The following MGA variants were observed in gnomAD, a reference collection of about 807,000 sequenced individuals.
MGA encodes MAX dimerization protein MGA.
In MGA, 40 loss-of-function variants were observed where a neutral mutation model predicts 261.1. The ratio of observed to expected loss-of-function variants is 0.15; its 90% CI spans 0.12 to 0.20. MGA has a LOEUF of 0.20. Ranked by LOEUF, MGA falls within the 10% of genes least tolerant of loss-of-function variation. The pLI is 1.00. For synonymous variants in MGA, 1,302 were observed against 1,290.6 expected (o/e 1.01, Z -0.19); for missense variants, 3,397 against 3,630.5 (o/e 0.94, Z 1.65).
At position 41,750,584 on chromosome 15, in the gene MGA, A is replaced by G; in HGVS notation, c.6977A>G (p.Tyr2326Cys). 1 of 1,610,222 alleles carries G rather than the reference A, an allele frequency of 6.2e-7. No homozygotes were observed. The highest frequency in any genetic ancestry group is 8.5e-7 in the Non-Finnish European group (1 of 1,178,142). The change falls in exon 17 of 24, where the codon TAC becomes TGC. Residue 2326 changes from tyrosine (Y) to cysteine (C), a missense_variant. Transcript: ENST00000219905. ...GAAATTGTGGATGTTGTTTCTGACTACCAGAGTGAGGAGGTTGATGATGTA... is the reference window on the plus strand; with the variant it reads ...GAAATTGTGGATGTTGTTTCTGACTGCCAGAGTGAGGAGGTTGATGATGTA...
At position 41,750,542 on chromosome 15, in the gene MGA, C is replaced by A; in HGVS notation, c.6935C>A (p.Thr2312Asn). The change falls in exon 17 of 24, where the codon ACT (threonine) becomes AAT (asparagine). Residue 2312 changes from threonine to asparagine, a missense_variant. By Grantham distance (65) the Thr-to-Asn change is moderately conservative. Coordinates refer to ENST00000219905, the MANE Select transcript of MGA (RefSeq NM_001164273.2). ...GATGATGAAGATGATAATGAGAAAA[C>A]TGATGATTCTATTGATGAAATTGTG... 2 of 1,612,730 alleles carry A rather than the reference C, an allele frequency of 1.2e-6. No individual in the cohort carries two copies. The highest frequency in any genetic ancestry group is 1.7e-6 in the Non-Finnish European group (2 of 1,179,252).
At position 41,749,612 on chromosome 15, in the gene MGA, A is replaced by T; in HGVS notation, c.6005A>T (p.Asp2002Val). ...CTACAGTCAGAAGGAGAGGCTGTAG[A>T]CCCTGAGGCTAATGTAATAAAACAA... is the stretch of plus-strand genomic sequence containing the variant. The change falls in exon 17 of 24, where the codon GAC (aspartate) becomes GTC (valine). Residue 2002 changes from aspartate to valine, a missense_variant. Coordinates refer to ENST00000219905, the MANE Select transcript of MGA (RefSeq NM_001164273.2). The T allele has an allele frequency of 7.4e-6, 12 of 1,613,874 alleles. No homozygotes were observed. Among genetic ancestry groups the T allele is most frequent in the Non-Finnish European group, 1.0e-5 (12 of 1,179,866 alleles).
chr15:41,674,720 A>G (rs572191410), intron 2 of MGA, among the ~76,000 whole-genome samples: 3 of 152,110 alleles, frequency 2.0e-5, no homozygotes, highest in South Asian at 2.1e-4. Context: ...GGGTTTCACC[A>G]TGTTGGTCAG....
At chr15:41,700,789 T>C (rs1162819928) in intron 5 of MGA, among the ~76,000 whole-genome samples, 1 of 152,240 alleles carries the variant, frequency 6.6e-6, no homozygotes, top group African/African-American at 2.4e-5. Flanking sequence ...TGATTTTAGA[T>C]AGGCATCTTG....
At chr15:41,695,728 A>T (rs971128146) in intron 2 of MGA, among the ~76,000 whole-genome samples, 1 of 152,234 alleles carries the variant, frequency 6.6e-6, no homozygotes, top group African/African-American at 2.4e-5. Context: ...ATCTGGCAAC[A>T]TCATGACTAT....
rs1222411508 is a variant in MGA, at chr15:41,754,544, C to T, written c.7116C>T (p.Ala2372=). The change falls in exon 18 of 24, where the codon GCC becomes GCT. Residue 2372 remains alanine (A), a synonymous_variant. Coordinates refer to ENST00000219905, the MANE Select transcript of MGA (RefSeq NM_001164273.2). ...TTGCTCACCTGAAGACCACAGCGGCCCACACACAGTCATTCAAACAGCCGT... is the reference window on the plus strand; with the variant it reads ...TTGCTCACCTGAAGACCACAGCGGCTCACACACAGTCATTCAAACAGCCGT... 1 of 1,586,238 alleles carries T rather than the reference C, an allele frequency of 6.3e-7. No individual in the cohort carries two copies. Among genetic ancestry groups the T allele is most frequent in the Admixed American group, 1.8e-5 (1 of 54,964 alleles).
intron 17 of MGA, among the ~76,000 whole-genome samples, chr15:41,752,575 A>AG (rs1285364587): frequency 5.2e-5 from 3 of 58,026 alleles, no homozygotes; most frequent in Non-Finnish European, 1.2e-4. Flanking sequence ...TTTTTTTTTT[A>AG]ACAGAGTCTC....
At chr15:41,681,984 C>G (rs1291601477) in intron 2 of MGA, among the ~76,000 whole-genome samples, 1 of 152,054 alleles carries the variant, frequency 6.6e-6, no homozygotes, top group Non-Finnish European at 1.5e-5. Context: ...ATGGTGCGAT[C>G]TCGGCTTACT....
At chr15:41,742,047 G>C (rs932318858) in intron 14 of MGA, among the ~76,000 whole-genome samples, 3 of 151,770 alleles carry the variant, frequency 2.0e-5, no homozygotes, top group Non-Finnish European at 4.4e-5. Flanking sequence ...TGTTAGAACT[G>C]AGGTTTGTTT....
chr15:41,746,902 A>G (rs2062525526), intron 15 of MGA, among the ~76,000 whole-genome samples: 1 of 152,042 alleles, frequency 6.6e-6, no homozygotes, highest in African/African-American at 2.4e-5. Context: ...ACCAATTTGA[A>G]TAGTAATGTT....
chr15:41,711,785 T>G (rs931671532), intron 8 of MGA, among the ~76,000 whole-genome samples: 1 of 152,048 alleles, frequency 6.6e-6, no homozygotes, highest in Non-Finnish European at 1.5e-5. Context: ...AACCTCCGCC[T>G]CCTGGGTTCA....
intron 11 of MGA, among the ~76,000 whole-genome samples, chr15:41,731,547 T>A (rs2061509988): frequency 6.6e-6 from 1 of 152,238 alleles, no homozygotes; most frequent in South Asian, 2.1e-4. Flanking sequence ...AAAAAACTTC[T>A]GTTTTCCCAG....
intron 1 of MGA, among the ~76,000 whole-genome samples, chr15:41,664,640 A>C (rs2057622074): frequency 2.0e-5 from 3 of 152,230 alleles, no homozygotes; most frequent in Admixed American, 6.5e-5. Flanking sequence ...GATGTTTTGC[A>C]TACTTATTCA....
At position 41,725,630 on chromosome 15, in the gene MGA, G is replaced by A. The variant is rs1216220971; in HGVS notation, c.3431-1550G>A. 3.1e-4 allele frequency among the ~76,000 whole-genome samples: 3 copies of A among 9,726 alleles called. 1 individual carries two copies. Among genetic ancestry groups the A allele is most frequent in the African/African-American group, 5.6e-4 (3 of 5,348 alleles). The allele number at this position is 9,726 out of a possible 152,430, so 6.4% of individuals were successfully genotyped here. On this transcript the variant is annotated intron_variant, in intron 9 of 23. Coordinates refer to ENST00000219905, the MANE Select transcript of MGA (RefSeq NM_001164273.2). ...GGGCGGATCACGAGGTCAGGAGATC[G>A]AGACCATCCCGGCTAAAAAACGGTG...
intron 1 of MGA, among the ~76,000 whole-genome samples, chr15:41,635,541 A>T (rs983601001): frequency 2.0e-5 from 3 of 151,722 alleles, no homozygotes; most frequent in Non-Finnish European, 4.4e-5. Context: ...AAAAAATTTT[A>T]AAAAATTAGC....
In MGA at chr15:41,725,864, A is replaced by G. The variant is rs369379626; in HGVS notation, c.3431-1316A>G. ...AAAAAAAAAAAAAAAAAATAAATAA[A>G]TAAATAAATAAATAAGTAAACCCAG... On this transcript the variant is annotated intron_variant, in intron 9 of 23. Coordinates refer to ENST00000219905, the MANE Select transcript of MGA (RefSeq NM_001164273.2). Among the ~76,000 whole-genome samples, 4 of 9,290 alleles carry G rather than the reference A, an allele frequency of 4.3e-4. 2 individuals are homozygous for G. The highest frequency in any genetic ancestry group is 1.2e-3 in the Non-Finnish European group (4 of 3,456). 6.1% of individuals were successfully genotyped at this position (9,290 alleles called of 152,430 possible).
At position 41,678,841 on chromosome 15, in the gene MGA, A is replaced by G. The variant is rs138591208; in HGVS notation, c.1064+8883A>G. 4.9e-3 allele frequency among the ~76,000 whole-genome samples: 747 copies of G among 151,656 alleles called. 7 individuals are homozygous for G. Among genetic ancestry groups the G allele is most frequent in the African/African-American group, 0.017 (708 of 41,448 alleles). ...TGGTCTTTGCACCTGTTGAAAATCA[A>G]TTGCCCACATATGTGCAGATTGATT... On this transcript the variant is annotated intron_variant, in intron 2 of 23. Transcript: ENST00000219905.
chr15:41,691,477 A>C (rs1403813642), intron 2 of MGA: 1 of 283,262 alleles, frequency 3.5e-6, no homozygotes, highest in Non-Finnish European at 7.6e-6. Context: ...TTACCTGTGA[A>C]TAGAGATAGT....
chr15:41,658,627 G>A (rs1015610528), upstream of MGA, among the ~76,000 whole-genome samples: 6 of 151,472 alleles, frequency 4.0e-5, no homozygotes, highest in Admixed American at 6.6e-5. Context: ...TAGGTTAGGC[G>A]GACTCCACTT....
Sources: allele counts gnomAD v4.1 joint callset (sites outside exome capture counted in the v4.1 genomes callset), GRCh38; gene constraint gnomAD v4.1.1; transcripts MANE v1.5; gene names NCBI Gene and HGNC (gene_info 2026-07-23, HGNC 2026-07-21).